Variants in MYO16 observed in about 807,000 individuals in gnomAD.
MYO16 encodes the protein myosin XVI.
MYO16 carries 94 observed loss-of-function variants against 205.3 expected under a neutral mutation model. The ratio of observed to expected loss-of-function variants is 0.46; its 90% confidence interval spans 0.39 to 0.54. MYO16 has a LOEUF of 0.54. Ranked by LOEUF, MYO16 falls within the 20% of genes least tolerant of loss-of-function variation. The pLI is 0.00. For synonymous variants in MYO16, 988 were observed against 954.0 expected (o/e 1.04, Z -0.66); for missense variants, 2,315 against 2,387.5 (o/e 0.97, Z 0.63).
chr13:108,943,351 C>A (rs888491469), intron 16 of MYO16, among the ~76,000 whole-genome samples: 1 of 152,174 alleles, frequency 6.6e-6, no homozygotes, highest in Non-Finnish European at 1.5e-5. Context: ...TTAGACCCTA[C>A]GACGAGTTCC....
At chr13:108,550,948 T>C in the MYO16 span, among the ~76,000 whole-genome samples, 1 of 152,320 alleles carries the variant, frequency 6.6e-6, no homozygotes, top group South Asian at 2.1e-4. Flanking sequence ...AATATTAAGG[T>C]CAGGAAATCA....
At chr13:108,820,761 C>A (rs547710869) in intron 8 of MYO16, among the ~76,000 whole-genome samples, 1 of 152,182 alleles carries the variant, frequency 6.6e-6, no homozygotes, top group East Asian at 1.9e-4. Flanking sequence ...CTCATCCTAC[C>A]AAATACATGC....
At chr13:108,921,187 A>G (rs986730519) in intron 16 of MYO16, among the ~76,000 whole-genome samples, 1 of 152,092 alleles carries the variant, frequency 6.6e-6, no homozygotes, top group Non-Finnish European at 1.5e-5. Context: ...TTCCCACCTC[A>G]TAGGACATCC....
At chr13:108,532,636 T>TA in the MYO16 span, among the ~76,000 whole-genome samples, 401 of 151,570 alleles carry the variant, frequency 2.6e-3, 3 homozygotes, top group African/African-American at 8.9e-3. Context: ...TCTACACAAT[T>TA]AAAAATTATC....
chr13:108,641,072 C>T (rs1174654719), intron 1 of MYO16, among the ~76,000 whole-genome samples: 1 of 152,108 alleles, frequency 6.6e-6, no homozygotes, highest in Non-Finnish European at 1.5e-5. Flanking sequence ...AGAAAATGCT[C>T]AAGAGGTCAC....
intron 10 of MYO16, among the ~76,000 whole-genome samples, chr13:108,852,014 A>G (rs1000798461): frequency 1.3e-5 from 2 of 152,074 alleles, no homozygotes; most frequent in African/African-American, 4.8e-5. Context: ...TACAGCCCTC[A>G]CCATGTCCTT....
chr13:108,907,452 T>A (rs533128287), intron 15 of MYO16, among the ~76,000 whole-genome samples: 4 of 152,204 alleles, frequency 2.6e-5, no homozygotes, highest in Non-Finnish European at 5.9e-5. Context: ...TTTTTATGTA[T>A]GAACACTTAC....
the MYO16 span, among the ~76,000 whole-genome samples, chr13:108,536,037 ATGTGTGTGTG>A: frequency 6.8e-6 from 1 of 147,178 alleles, no homozygotes; most frequent in African/African-American, 2.4e-5. Context: ...GTGTGTGTGC[ATGTGTGTGTG>A]CACGTGTGTG....
intron 16 of MYO16, among the ~76,000 whole-genome samples, chr13:108,949,423 T>G (rs1171125904): frequency 6.6e-6 from 1 of 152,110 alleles, no homozygotes; most frequent in Non-Finnish European, 1.5e-5. Context: ...AAACTGCAAT[T>G]TAAAACATAA....
At chr13:108,519,649 C>CACACACACA in the MYO16 span, among the ~76,000 whole-genome samples, 1,469 of 118,578 alleles carry the variant, frequency 0.012, 25 homozygotes, top group Middle Eastern at 0.039. Context: ...ACACACACAC[C>CACACACACA]CACACACACA....
chr13:108,900,215 CATATT>C (rs1456597610), intron 15 of MYO16, among the ~76,000 whole-genome samples: 2 of 152,124 alleles, frequency 1.3e-5, no homozygotes, highest in African/African-American at 4.8e-5. Context: ...ATTATGTACA[CATATT>C]AAAAAGAACT....
At chr13:108,860,277 T>C (rs1878391083) in intron 11 of MYO16, among the ~76,000 whole-genome samples, 3 of 152,214 alleles carry the variant, frequency 2.0e-5, no homozygotes, top group Non-Finnish European at 4.4e-5. Context: ...TTTCTGTTCC[T>C]GTGTTAGTTT....
intron 31 of MYO16, among the ~76,000 whole-genome samples, chr13:109,136,511 T>G (rs146271019): frequency 2.0e-5 from 3 of 152,352 alleles, no homozygotes; most frequent in Non-Finnish European, 4.4e-5. Flanking sequence ...CTTTCTTTAC[T>G]TTATCTCTGT....
At chr13:108,579,512 C>T in the MYO16 span, among the ~76,000 whole-genome samples, 1 of 148,920 alleles carries the variant, frequency 6.7e-6, no homozygotes, top group Non-Finnish European at 1.5e-5. Context: ...GCGATCTCTG[C>T]TCACTGCAAC....
At chr13:108,506,838 A>T in the MYO16 span, among the ~76,000 whole-genome samples, 1 of 151,918 alleles carries the variant, frequency 6.6e-6, no homozygotes, top group Non-Finnish European at 1.5e-5. Context: ...TTCATATATG[A>T]CCTTTATTAT....
chr13:108,799,934 G>A (rs1886917995), intron 6 of MYO16, among the ~76,000 whole-genome samples: 1 of 152,188 alleles, frequency 6.6e-6, no homozygotes, highest in Non-Finnish European at 1.5e-5. Flanking sequence ...TTTTAACTGA[G>A]CCCTCTTTAG....
At chr13:108,746,179 C>A (rs548580956) in intron 4 of MYO16, among the ~76,000 whole-genome samples, 6 of 151,508 alleles carry the variant, frequency 4.0e-5, no homozygotes, top group African/African-American at 1.2e-4. Context: ...GGCTACGGAG[C>A]GAGACTCCAT....
rs1348260775 is a variant in MYO16 at position 109,140,297 on chromosome 13, A to G, written c.4085A>G (p.Tyr1362Cys). The change falls in exon 32 of 35, where the codon TAC becomes TGC. Residue 1362 changes from tyrosine to cysteine, a missense_variant. By Grantham distance (194) the Tyr-to-Cys change is radical (BLOSUM62 -2). This residue lies in a region of MYO16 where 1,097 missense variants were observed against 1,092.0 expected (regional missense o/e 1.00). Transcript: ENST00000457511. The surrounding 1 kb of genome is among the most constrained non-coding windows in gnomAD (Gnocchi z 8.0). ...LARPRPHSDD[Y>C]STMKKIPPRK... ...CGGCCCAGACCGCACAGCGACGACT[A>G]CAGCACCATGAAGAAGATTCCTCCT... The G allele has an allele frequency of 6.2e-7, 1 of 1,601,668 alleles. No homozygotes were observed. Among genetic ancestry groups the G allele is most frequent in the Non-Finnish European group, 8.5e-7 (1 of 1,179,298 alleles).
chr13:108,674,306 A>G (rs1227784845), intron 2 of MYO16, among the ~76,000 whole-genome samples: 1 of 152,228 alleles, frequency 6.6e-6, no homozygotes, highest in East Asian at 1.9e-4. Context: ...TTGTCTCAGA[A>G]GTTAAAATTC....
Sources: gnomAD v4.1 joint callset for allele counts (sites outside exome capture counted in the v4.1 genomes callset) on GRCh38, gnomAD v4.1.1 for gene constraint, gnomAD v4.1.1 regional missense constraint, Gnocchi (gnomAD v3.1) non-coding constraint, MANE v1.5 for transcripts, NCBI Gene and HGNC (gene_info 2026-07-23, HGNC 2026-07-21) for gene names.